The following PDZD2 variants were observed in gnomAD, a reference collection of about 807,000 sequenced individuals.
The protein encoded by PDZD2 is PDZ domain-containing protein 2.
A neutral mutation model predicts 220.7 loss-of-function variants in PDZD2; 90 were observed. The observed-to-expected ratio is 0.41, with a 90% CI of 0.34 to 0.49. PDZD2 has a LOEUF of 0.49. Ranked by LOEUF, PDZD2 falls within the 20% of genes least tolerant of loss-of-function variation. PDZD2 has a pLI of 0.28. For synonymous variants in PDZD2, 1,375 were observed against 1,450.5 expected (o/e 0.95, Z 1.18); for missense variants, 3,174 against 3,608.5 (o/e 0.88, Z 3.08).
intron 2 of PDZD2, among the ~76,000 whole-genome samples, chr5:31,874,008 G>A (rs60357770): frequency 0.057 from 8,726 of 152,128 alleles, 480 homozygotes; most frequent in African/African-American, 0.15. Flanking sequence ...GATTACAGGC[G>A]TGAGCCACTG....
intron 2 of PDZD2, among the ~76,000 whole-genome samples, chr5:31,918,012 G>A (rs1272069788): frequency 6.6e-6 from 1 of 152,146 alleles, no homozygotes; most frequent in Non-Finnish European, 1.5e-5. Flanking sequence ...TGCTTCTGGG[G>A]AGGCCTCAGG....
chr5:31,705,546 A>C (rs911334410), intron 1 of PDZD2, among the ~76,000 whole-genome samples: 4 of 152,194 alleles, frequency 2.6e-5, no homozygotes, highest in Admixed American at 2.6e-4. Context: ...TCTTACAGTA[A>C]CTCCATCTAA....
At chr5:31,733,225 G>A (rs569996088) in intron 1 of PDZD2, among the ~76,000 whole-genome samples, 18 of 152,238 alleles carry the variant, frequency 1.2e-4, no homozygotes, top group African/African-American at 4.3e-4. Context: ...GGCTGCCCTG[G>A]GGTGCTGGTG....
rs1462027526 is a variant in PDZD2, at chr5:32,089,168, A to C, written c.5720A>C (p.Lys1907Thr). The change falls in exon 20 of 25, where the codon AAG becomes ACG. Residue 1907 changes from lysine to threonine, a missense_variant. Transcript: ENST00000438447. Reference sequence around the variant, plus strand: ...GAGGCCCCTGCTGCGAATGCTGTGAAGGCTGGGGGGACGGACCACAGGAAA... The same window carrying C: ...GAGGCCCCTGCTGCGAATGCTGTGACGGCTGGGGGGACGGACCACAGGAAA... ...NSEAPAANAV[K>T]AGGTDHRKPL... 3 of 1,614,166 alleles carry C rather than the reference A, an allele frequency of 1.9e-6. No individual in the cohort carries two copies. Among genetic ancestry groups the C allele is most frequent in the South Asian group, 1.1e-5 (1 of 91,086 alleles).
At chr5:31,822,848 C>A in intron 2 of PDZD2, 1 of 780,106 alleles carries the variant, frequency 1.3e-6, no homozygotes, top group Non-Finnish European at 2.2e-6. Flanking sequence ...GGGAAGTGCA[C>A]ATACACAGAC....
chr5:31,826,633 G>C (rs569132214), intron 2 of PDZD2, among the ~76,000 whole-genome samples: 1 of 150,062 alleles, frequency 6.7e-6, no homozygotes. Flanking sequence ...CCGAGATCAC[G>C]CCACTGCACT....
At chr5:31,647,761 G>A (rs1020466966) in intron 1 of PDZD2, among the ~76,000 whole-genome samples, 1 of 152,188 alleles carries the variant, frequency 6.6e-6, no homozygotes, top group Non-Finnish European at 1.5e-5. Flanking sequence ...CACATTTGCA[G>A]GTTTTGGGAT....
chr5:31,847,808 G>A (rs545510035), intron 2 of PDZD2: 8 of 568,716 alleles, frequency 1.4e-5, no homozygotes, highest in African/African-American at 1.3e-4. Context: ...CGATTCCCTG[G>A]TTATGATTCT....
At chr5:31,716,208 A>G (rs1356808277) in intron 1 of PDZD2, among the ~76,000 whole-genome samples, 2 of 152,144 alleles carry the variant, frequency 1.3e-5, no homozygotes, top group Admixed American at 1.3e-4. Flanking sequence ...GGAAGGAATG[A>G]GTTGTTAATT....
chr5:32,044,325 G>A (rs981347979), intron 7 of PDZD2, among the ~76,000 whole-genome samples: 6 of 151,986 alleles, frequency 3.9e-5, no homozygotes, highest in African/African-American at 1.2e-4. Context: ...GCAGAACTCC[G>A]TCTTAAAAAA....
chr5:31,969,129 G>A (rs1749031299), intron 2 of PDZD2, among the ~76,000 whole-genome samples: 1 of 152,140 alleles, frequency 6.6e-6, no homozygotes, highest in South Asian at 2.1e-4. Context: ...TGTGTGAGAT[G>A]CTAGCGGGAC....
chr5:31,793,131 G>A (rs541308508), intron 1 of PDZD2, among the ~76,000 whole-genome samples: 7 of 152,062 alleles, frequency 4.6e-5, no homozygotes, highest in East Asian at 1.9e-4. Context: ...AGCCACTGGG[G>A]CCCGGCCAAA....
intron 13 of PDZD2, 96 bp from the exon 14 acceptor site, chr5:32,060,906 A>G: frequency 8.4e-7 from 1 of 1,184,368 alleles, no homozygotes; most frequent in Non-Finnish European, 1.2e-6. Context: ...TATTCAGAAA[A>G]GATTTCATAT....
At chr5:31,988,484 C>A (rs11743169) in intron 3 of PDZD2, among the ~76,000 whole-genome samples, 29 of 143,536 alleles carry the variant, frequency 2.0e-4, no homozygotes, top group African/African-American at 8.0e-4. Flanking sequence ...TGTATTCACC[C>A]TCCTGGCATG....
In PDZD2 at chr5:31,881,334, G is replaced by A. The variant is rs1450846689; in HGVS notation, c.476+81610G>A. On this transcript the variant is annotated intron_variant, in intron 2 of 24. Coordinates refer to ENST00000438447, the MANE Select transcript of PDZD2 (RefSeq NM_178140.4). ...ATCCCATTTCCATATATATGTGTGTGTGTGTGTGTGTGTGTGTGTGTGTGT... is the reference window on the plus strand; with the variant it reads ...ATCCCATTTCCATATATATGTGTGTATGTGTGTGTGTGTGTGTGTGTGTGT... Among the ~76,000 whole-genome samples the A allele has an allele frequency of 2.4e-4, 23 of 97,630 alleles. No individual in the cohort carries two copies. In the South Asian group the frequency reaches 3.2e-3, roughly 13 times the overall value. The allele number at this position is 97,630 out of a possible 152,430, so 64.0% of individuals were successfully genotyped here.
At chr5:32,069,246 A>AGTG (rs1740524669) in intron 14 of PDZD2, among the ~76,000 whole-genome samples, 1 of 148,702 alleles carries the variant, frequency 6.7e-6, no homozygotes, top group Non-Finnish European at 1.5e-5. Context: ...AGCTTGGGTA[A>AGTG]CAGAGAGACT....
At chr5:32,106,088 C>T (rs1744735280) in intron 24 of PDZD2, 1 of 147,724 alleles carries the variant, frequency 6.8e-6, no homozygotes, top group Non-Finnish European at 1.5e-5. Context: ...TCTGTTATTA[C>T]ATTTTAATAT....
chr5:31,869,496 G>A (rs965069322), intron 2 of PDZD2, among the ~76,000 whole-genome samples: 32 of 152,096 alleles, frequency 2.1e-4, no homozygotes, highest in Non-Finnish European at 3.2e-4. Flanking sequence ...CCTGGGAGGC[G>A]GAGGTTGCAG....
chr5:32,038,505 C>T (rs1224371383), intron 7 of PDZD2, among the ~76,000 whole-genome samples: 1 of 152,042 alleles, frequency 6.6e-6, no homozygotes, highest in African/African-American at 2.4e-5. Flanking sequence ...CCACTGTACT[C>T]CAGCCTGGCA....
Sources: gnomAD v4.1 joint callset for allele counts (sites outside exome capture counted in the v4.1 genomes callset) on GRCh38, gnomAD v4.1.1 for gene constraint, MANE v1.5 for transcripts, NCBI Gene and HGNC (gene_info 2026-07-23, HGNC 2026-07-21) for gene names.